AKAP7: variants seen among roughly 807,000 people sequenced by gnomAD.
AKAP7 encodes A-kinase anchoring protein 7.
In AKAP7, 39 loss-of-function variants were observed where a neutral mutation model predicts 39.5. That is an observed-to-expected ratio of 0.99 (90% CI 0.76 to 1.29). The LOEUF is 1.29. Ranked by LOEUF, AKAP7 falls within the 50% of genes most tolerant of loss-of-function variation. The pLI is 0.00. For missense variants in AKAP7, 414 were observed against 407.7 expected (o/e 1.02, Z -0.13); for synonymous variants, 140 against 139.1 (o/e 1.01, Z -0.05).
intron 1 of AKAP7, among the ~76,000 whole-genome samples, chr6:131,140,428 C>T (rs776160191): frequency 6.6e-6 from 1 of 152,138 alleles, no homozygotes; most frequent in Non-Finnish European, 1.5e-5. Context: ...AAAAGTTAAG[C>T]GATTTTGCGA....
At chr6:131,126,363 G>A in the AKAP7 span, among the ~76,000 whole-genome samples, 1 of 152,144 alleles carries the variant, frequency 6.6e-6, no homozygotes, top group Non-Finnish European at 1.5e-5. Context: ...AATTAGCGAT[G>A]CAAATGTTGA....
chr6:131,277,739 G>A (rs574913251), intron 7 of AKAP7, among the ~76,000 whole-genome samples: 1 of 152,178 alleles, frequency 6.6e-6, no homozygotes, highest in African/African-American at 2.4e-5. Flanking sequence ...AAGCCTTCCT[G>A]TAGACTCATC....
intron 2 of AKAP7, among the ~76,000 whole-genome samples, chr6:131,156,345 A>G (rs1386156942): frequency 6.6e-6 from 1 of 152,172 alleles, no homozygotes; most frequent in African/African-American, 2.4e-5. Flanking sequence ...TTAATTTAAA[A>G]AACTGTTCAG....
At chr6:131,152,788 C>T (rs1247388732) in intron 2 of AKAP7, among the ~76,000 whole-genome samples, 1 of 133,264 alleles carries the variant, frequency 7.5e-6, no homozygotes, top group Non-Finnish European at 1.6e-5. Context: ...GATTGCACCA[C>T]TGCACTGCAG....
intron 7 of AKAP7, among the ~76,000 whole-genome samples, chr6:131,236,722 A>T (rs1357782309): frequency 6.6e-6 from 1 of 152,204 alleles, no homozygotes; most frequent in Non-Finnish European, 1.5e-5. Flanking sequence ...TTATTGGTGT[A>T]TAAGAATGCT....
rs373927627 is a variant in AKAP7, at chr6:131,222,308, A to G, written c.850+2500A>G. Reference sequence around the variant, plus strand: ...TGGGAGGCCAAGGCGGGCGGATCATAAGGTCAGGAGATCGAGACCATCCTG... The same window carrying G: ...TGGGAGGCCAAGGCGGGCGGATCATGAGGTCAGGAGATCGAGACCATCCTG... On this transcript the variant is annotated intron_variant, in intron 7 of 7. Transcript: ENST00000431975. Among the ~76,000 whole-genome samples, 52 of 152,192 alleles carry G rather than the reference A, an allele frequency of 3.4e-4. 3 individuals are homozygous for G. The East Asian group carries it at 7.5e-3, about 22-fold the overall frequency.
intron 7 of AKAP7, among the ~76,000 whole-genome samples, chr6:131,261,629 T>G (rs1813347169): frequency 6.6e-6 from 1 of 152,170 alleles, no homozygotes; most frequent in Non-Finnish European, 1.5e-5. Flanking sequence ...GTAGTAAAAC[T>G]GTTAAATTTG....
At chr6:131,129,965 T>C in the AKAP7 span, among the ~76,000 whole-genome samples, 1 of 152,114 alleles carries the variant, frequency 6.6e-6, no homozygotes, top group Non-Finnish European at 1.5e-5. Context: ...ATTCACTAGG[T>C]CAGGACCGTA....
At chr6:131,195,241 A>G (rs1806808346) in intron 5 of AKAP7, among the ~76,000 whole-genome samples, 1 of 152,024 alleles carries the variant, frequency 6.6e-6, no homozygotes, top group Non-Finnish European at 1.5e-5. Flanking sequence ...GATTGCAAAT[A>G]TTATAACTCA....
intron 2 of AKAP7, among the ~76,000 whole-genome samples, chr6:131,148,420 G>T (rs1801645493): frequency 6.6e-6 from 1 of 152,060 alleles, no homozygotes; most frequent in African/African-American, 2.4e-5. Flanking sequence ...TTACGTTTTG[G>T]TTACTTCATT....
intron 2 of AKAP7, among the ~76,000 whole-genome samples, chr6:131,146,983 A>G (rs1801537336): frequency 6.6e-6 from 1 of 152,210 alleles, no homozygotes; most frequent in South Asian, 2.1e-4. Flanking sequence ...AATGCCATAC[A>G]GGCTGCTCTG....
intron 5 of AKAP7, among the ~76,000 whole-genome samples, chr6:131,183,371 C>T (rs1477292979): frequency 6.6e-6 from 1 of 152,080 alleles, no homozygotes; most frequent in Non-Finnish European, 1.5e-5. Flanking sequence ...GAGCTGAGAG[C>T]CAGGATACAC....
At chr6:131,190,983 C>A (rs956831204) in intron 5 of AKAP7, among the ~76,000 whole-genome samples, 2 of 152,178 alleles carry the variant, frequency 1.3e-5, no homozygotes, top group African/African-American at 4.8e-5. Flanking sequence ...TTGGCACATA[C>A]AGGGAGTGCT....
intron 7 of AKAP7, among the ~76,000 whole-genome samples, chr6:131,275,768 G>T (rs1029481980): frequency 5.9e-5 from 9 of 152,218 alleles, no homozygotes; most frequent in Non-Finnish European, 1.2e-4. Flanking sequence ...GTGCGGATCG[G>T]GGGGCTGGCT....
At chr6:131,160,286 G>A in intron 3 of AKAP7, 88 bp downstream of exon 3, 7 of 1,339,222 alleles carry the variant, frequency 5.2e-6, no homozygotes, top group Non-Finnish European at 7.3e-6. Flanking sequence ...CTTGCTCTTA[G>A]CTTTTAAGAG....
chr6:131,165,279 C>T (rs1803370831), intron 4 of AKAP7, 62 bp downstream of exon 4: 1 of 1,235,352 alleles, frequency 8.1e-7, no homozygotes. Flanking sequence ...TGAGTAAGCA[C>T]AGCAGAACCC....
intron 7 of AKAP7, chr6:131,242,234 C>T: frequency 1.0e-6 from 1 of 965,910 alleles, no homozygotes; most frequent in Non-Finnish European, 1.2e-6. Flanking sequence ...GCGCAATTGA[C>T]CATCACAGTT....
At chr6:131,195,042 GTTA>G (rs1246169345) in intron 5 of AKAP7, among the ~76,000 whole-genome samples, 2 of 151,978 alleles carry the variant, frequency 1.3e-5, no homozygotes, top group African/African-American at 2.4e-5. Context: ...TACATTCAAT[GTTA>G]TTATTGATAA....
chr6:131,186,501 G>A (rs1297327366), intron 5 of AKAP7, among the ~76,000 whole-genome samples: 1 of 152,158 alleles, frequency 6.6e-6, no homozygotes, highest in African/African-American at 2.4e-5. Flanking sequence ...TCTTGGCACA[G>A]TTGTTGAAAC....
Sources: gnomAD v4.1 joint callset for allele counts (sites outside exome capture counted in the v4.1 genomes callset) on GRCh38, gnomAD v4.1.1 for gene constraint, MANE v1.5 for transcripts, NCBI Gene and HGNC (gene_info 2026-07-23, HGNC 2026-07-21) for gene names.